The following PPP1R16B variants were observed in gnomAD, a reference collection of about 807,000 sequenced individuals.
PPP1R16B encodes the protein protein phosphatase 1 regulatory subunit 16B, also known as protein phosphatase 1 regulatory inhibitor subunit 16B.
A neutral mutation model predicts 61.7 loss-of-function variants in PPP1R16B; 14 were observed. The observed-to-expected ratio is 0.23, with a 90% CI of 0.15 to 0.35. The LOEUF is 0.35. Ranked by LOEUF, PPP1R16B falls within the 10% of genes least tolerant of loss-of-function variation. The probability of loss-of-function intolerance (pLI) is 1.00; values close to 1 mark genes in which losing one functional copy is unlikely to be tolerated. For missense variants in PPP1R16B, 547 were observed against 752.5 expected (o/e 0.73, Z 3.19); for synonymous variants, 266 against 305.3 (o/e 0.87, Z 1.34).
chr20:38,843,128 TTGGTTTAGC>T (rs2084919068), intron 2 of PPP1R16B, among the ~76,000 whole-genome samples: 1 of 152,210 alleles, frequency 6.6e-6, no homozygotes, highest in Non-Finnish European at 1.5e-5. Context: ...CCTAAAAGCT[TTGGTTTAGC>T]TGGGTTCTAT....
At chr20:38,855,365 A>C (rs368327380) in intron 2 of PPP1R16B, among the ~76,000 whole-genome samples, 77 of 152,064 alleles carry the variant, frequency 5.1e-4, no homozygotes, top group South Asian at 1.0e-3. Context: ...ATTAAAAAAA[A>C]AAAACAAAAC....
chr20:38,835,405 A>C (rs2084862869), intron 1 of PPP1R16B, among the ~76,000 whole-genome samples: 3 of 152,196 alleles, frequency 2.0e-5, no homozygotes, highest in Non-Finnish European at 4.4e-5. Context: ...GACTCTATAC[A>C]AGAAAACTAA....
chr20:38,840,571 C>G (rs936428143), intron 2 of PPP1R16B, among the ~76,000 whole-genome samples: 4 of 152,230 alleles, frequency 2.6e-5, no homozygotes, highest in Non-Finnish European at 4.4e-5. Flanking sequence ...GTCTGGGACA[C>G]TCTTCCTGTG....
intron 2 of PPP1R16B, among the ~76,000 whole-genome samples, chr20:38,839,484 C>T (rs1328180169): frequency 1.3e-5 from 2 of 152,120 alleles, no homozygotes; most frequent in African/African-American, 2.4e-5. Context: ...TCTGTCCCTC[C>T]CTTCCTCCCT....
At chr20:38,894,126 C>T (rs1319857235) in intron 3 of PPP1R16B, among the ~76,000 whole-genome samples, 1 of 152,040 alleles carries the variant, frequency 6.6e-6, no homozygotes, top group Non-Finnish European at 1.5e-5. Context: ...ACCCCCGCAC[C>T]CCCGCCCCGC....
intron 2 of PPP1R16B, among the ~76,000 whole-genome samples, chr20:38,852,250 A>T (rs1029055652): frequency 2.0e-5 from 3 of 152,256 alleles, no homozygotes; most frequent in Non-Finnish European, 4.4e-5. Context: ...ATCATTAAAC[A>T]TGATGATTAT....
At chr20:38,818,266 A>G (rs945236230) in intron 1 of PPP1R16B, among the ~76,000 whole-genome samples, 1 of 152,218 alleles carries the variant, frequency 6.6e-6, no homozygotes, top group African/African-American at 2.4e-5. Flanking sequence ...ATTAAAGTCA[A>G]TTTATGCATA....
chr20:38,888,419 G>T (rs74513709), intron 2 of PPP1R16B, among the ~76,000 whole-genome samples: 1 of 152,194 alleles, frequency 6.6e-6, no homozygotes, highest in Non-Finnish European at 1.5e-5. Flanking sequence ...CTAGAGGTCC[G>T]CTTGCCCAGT....
chr20:38,911,265 C>T (rs1355934501), intron 10 of PPP1R16B, among the ~76,000 whole-genome samples: 2 of 150,058 alleles, frequency 1.3e-5, no homozygotes, highest in Non-Finnish European at 3.0e-5. Context: ...CTCCCGGGTT[C>T]ATGCCGTTCT....
At chr20:38,916,973 A>G (rs2085546766) in intron 10 of PPP1R16B, among the ~76,000 whole-genome samples, 1 of 152,128 alleles carries the variant, frequency 6.6e-6, no homozygotes, top group Admixed American at 6.6e-5. Flanking sequence ...TCCCCTGCCT[A>G]CTATTTTTAT....
chr20:38,908,265 G>A (rs1307130073), intron 10 of PPP1R16B, 72 bp downstream of exon 10: 10 of 1,570,220 alleles, frequency 6.4e-6, no homozygotes, highest in African/African-American at 1.4e-5. Flanking sequence ...GCCTGGCCTT[G>A]CCTCTTCAAC....
intron 2 of PPP1R16B, among the ~76,000 whole-genome samples, chr20:38,843,002 T>C (rs74908999): frequency 0.014 from 2,197 of 152,294 alleles, 59 homozygotes; most frequent in African/African-American, 0.05. Flanking sequence ...ATGGTGATTT[T>C]ATATGGGGTG....
At chr20:38,808,894 A>G (rs758722452) in intron 1 of PPP1R16B, among the ~76,000 whole-genome samples, 1 of 152,070 alleles carries the variant, frequency 6.6e-6, no homozygotes, top group Non-Finnish European at 1.5e-5. Flanking sequence ...TTAGTGCAGC[A>G]TGGTGGCGCA....
intron 2 of PPP1R16B, among the ~76,000 whole-genome samples, chr20:38,850,714 C>T (rs192813155): frequency 1.4e-4 from 22 of 152,290 alleles, no homozygotes; most frequent in Non-Finnish European, 2.5e-4. Context: ...GCCTGTTAAT[C>T]GCAGCACTTT....
chr20:38,846,979 G>T (rs1045913812), intron 2 of PPP1R16B, among the ~76,000 whole-genome samples: 2 of 152,066 alleles, frequency 1.3e-5, no homozygotes, highest in African/African-American at 4.8e-5. Context: ...TCCAGCCCAG[G>T]TAACAGAGTG....
chr20:38,853,996 C>G (rs951808821), intron 2 of PPP1R16B, among the ~76,000 whole-genome samples: 6 of 152,198 alleles, frequency 3.9e-5, no homozygotes, highest in Non-Finnish European at 8.8e-5. Flanking sequence ...AGAGTCTATA[C>G]AAGCGCTTGG....
chr20:38,886,066 G>A (rs527685506), intron 2 of PPP1R16B, among the ~76,000 whole-genome samples: 7 of 152,284 alleles, frequency 4.6e-5, no homozygotes, highest in East Asian at 3.9e-4. Context: ...ATGAGCCACC[G>A]TGCCTGGCCA....
At chr20:38,872,695 G>C (rs2085138757) in intron 2 of PPP1R16B, 1 of 152,484 alleles carries the variant, frequency 6.6e-6, no homozygotes, top group African/African-American at 2.4e-5. Flanking sequence ...TGTGAAGGCA[G>C]AGAGGAGCCA....
At position 38,921,373 on chromosome 20, in the gene PPP1R16B, T is replaced by C. The variant is rs1318284862; in HGVS notation, c.*2707T>C. On this transcript the variant is annotated 3_prime_UTR_variant, in exon 11 of 11. Coordinates refer to ENST00000299824, the MANE Select transcript of PPP1R16B (RefSeq NM_015568.4). Reference sequence around the variant, plus strand: ...CAGCCTCTACGTTAGGTTCTGCGGATAAAGGAGGAATAAGACAGAGTCAGG... The same window carrying C: ...CAGCCTCTACGTTAGGTTCTGCGGACAAAGGAGGAATAAGACAGAGTCAGG... 1 of 152,240 alleles carries C rather than the reference T, an allele frequency of 6.6e-6. No individual in the cohort carries two copies. Among genetic ancestry groups the C allele is most frequent in the East Asian group, 1.9e-4 (1 of 5,204 alleles). The allele number at this position is 152,240 out of a possible 1,614,324, so 9.4% of individuals were successfully genotyped here.
Sources: gnomAD v4.1 joint callset for allele counts (sites outside exome capture counted in the v4.1 genomes callset) on GRCh38, gnomAD v4.1.1 for gene constraint, MANE v1.5 for transcripts, NCBI Gene and HGNC (gene_info 2026-07-23, HGNC 2026-07-21) for gene names.